RNF152: variants seen among roughly 807,000 people sequenced by gnomAD.
RNF152 encodes ring finger protein 152, also known as E3 ubiquitin-protein ligase RNF152.
A neutral mutation model predicts 12.7 loss-of-function variants in RNF152; 11 were observed. That is an observed-to-expected ratio of 0.86 (90% CI 0.54 to 1.43). RNF152 has a LOEUF of 1.43. Ranked by LOEUF, RNF152 falls within the 40% of genes most tolerant of loss-of-function variation. The pLI, the probability that RNF152 is intolerant of heterozygous loss-of-function variation, is 0.00. For synonymous variants in RNF152, 113 were observed against 120.3 expected, an observed-to-expected ratio of 0.94 and a Z score of 0.40; for missense variants, 255 against 274.8, an observed-to-expected ratio of 0.93 and a Z score of 0.51.
intron 1 of RNF152, among the ~76,000 whole-genome samples, chr18:61,825,251 G>C (rs554904849): frequency 1.3e-5 from 2 of 152,276 alleles, no homozygotes; most frequent in African/African-American, 4.8e-5. Flanking sequence ...CATATAAAGA[G>C]AACCATGAGA....
At chr18:61,826,855 TTG>T (rs1909696227) in intron 1 of RNF152, among the ~76,000 whole-genome samples, 1 of 152,230 alleles carries the variant, frequency 6.6e-6, no homozygotes, top group Non-Finnish European at 1.5e-5. Context: ...TTCAAAATTA[TTG>T]TGCATTCTAT....
intron 1 of RNF152, among the ~76,000 whole-genome samples, chr18:61,840,021 G>C (rs1444184154): frequency 6.6e-6 from 1 of 152,210 alleles, no homozygotes; most frequent in East Asian, 1.9e-4. Context: ...TAGAAACCAA[G>C]GCCTGGGTAA....
At chr18:61,868,341 A>G (rs1911832764) in intron 1 of RNF152, among the ~76,000 whole-genome samples, 1 of 152,252 alleles carries the variant, frequency 6.6e-6, no homozygotes, top group Admixed American at 6.5e-5. Flanking sequence ...ACCACAGGAC[A>G]GAGGTAAACC....
chr18:61,874,702 T>C (rs1912138671), intron 1 of RNF152, among the ~76,000 whole-genome samples: 1 of 152,246 alleles, frequency 6.6e-6, no homozygotes, highest in African/African-American at 2.4e-5. Context: ...AGCTGTGGCT[T>C]GTAGTTCTCT....
Position 61,811,310 on chromosome 18 carries a change from T to C in RNF152, c.*4542A>G, listed in dbSNP as rs539791142. ...ATTATCAGTAAGAATCTGGTCTTTATAGGAAATATATCTCAAACTGAATTT... is the reference window on the plus strand; with the variant it reads ...ATTATCAGTAAGAATCTGGTCTTTACAGGAAATATATCTCAAACTGAATTT... On this transcript the variant is annotated 3_prime_UTR_variant, in exon 2 of 2. Coordinates refer to ENST00000312828, the MANE Select transcript of RNF152 (RefSeq NM_173557.3). 2 of 152,326 alleles carry C rather than the reference T, an allele frequency of 1.3e-5. No homozygotes were observed. The highest frequency in any genetic ancestry group is 2.1e-4 in the South Asian group (1 of 4,818). 9.4% of individuals were successfully genotyped at this position (152,326 alleles called of 1,614,324 possible).
intron 1 of RNF152, among the ~76,000 whole-genome samples, chr18:61,876,464 AT>A: frequency 6.6e-6 from 1 of 152,374 alleles, no homozygotes; most frequent in South Asian, 2.1e-4. Context: ...ACAAAAAAAA[AT>A]AAGCAATAAT....
chr18:61,826,191 A>G (rs1030043266), intron 1 of RNF152, among the ~76,000 whole-genome samples: 3 of 152,244 alleles, frequency 2.0e-5, no homozygotes, highest in African/African-American at 7.2e-5. Flanking sequence ...AGATGCAGAA[A>G]GAAGACTTGT....
chr18:61,855,186 G>A (rs1186243248), intron 1 of RNF152, among the ~76,000 whole-genome samples: 1 of 152,218 alleles, frequency 6.6e-6, no homozygotes, highest in Non-Finnish European at 1.5e-5. Flanking sequence ...GTCAATTGTG[G>A]TCACTAATTC....
At chr18:61,847,082 C>T (rs181360480) in intron 1 of RNF152, among the ~76,000 whole-genome samples, 7 of 152,128 alleles carry the variant, frequency 4.6e-5, no homozygotes, top group Non-Finnish European at 1.0e-4. Flanking sequence ...CAGCAAACAC[C>T]GGTACTCCTC....
chr18:61,881,222 C>G (rs73458476), intron 1 of RNF152, among the ~76,000 whole-genome samples: 1 of 152,104 alleles, frequency 6.6e-6, no homozygotes, highest in Non-Finnish European at 1.5e-5. Context: ...TTCTCTCTCT[C>G]GTTTTCTTAT....
In RNF152 at chr18:61,876,602, C is replaced by G. The variant is rs1453591009; in HGVS notation, c.-136+16193G>C. Among the ~76,000 whole-genome samples, 4 of 152,222 alleles carry G rather than the reference C, an allele frequency of 2.6e-5. No individual in the cohort carries two copies. In the East Asian group the frequency reaches 7.7e-4, roughly 29 times the overall value. ...TGTGGCAGCATACTGCAGTGGCTTA[C>G]AGCATCAATGCTGGAGACGTCTTGA... On this transcript the variant is annotated intron_variant, in intron 1 of 1. Coordinates refer to ENST00000312828, the MANE Select transcript of RNF152 (RefSeq NM_173557.3).
intron 1 of RNF152, among the ~76,000 whole-genome samples, chr18:61,825,852 C>G (rs922900251): frequency 2.0e-5 from 3 of 152,152 alleles, no homozygotes; most frequent in Non-Finnish European, 2.9e-5. Flanking sequence ...CACATGTTCC[C>G]TACTCCTAAT....
chr18:61,846,915 A>T (rs904767514), intron 1 of RNF152, among the ~76,000 whole-genome samples: 5 of 152,178 alleles, frequency 3.3e-5, no homozygotes, highest in Non-Finnish European at 7.3e-5. Flanking sequence ...TCTTGTCACC[A>T]ATTAATAATG....
chr18:61,834,224 G>C lies in RNF152; in HGVS notation c.-135-17626C>G, dbSNP rs545064217. On this transcript the variant is annotated intron_variant, in intron 1 of 1. Coordinates refer to ENST00000312828, the MANE Select transcript of RNF152 (RefSeq NM_173557.3). ...TTCTTTCTCTTATCTCATCTCTTGG[G>C]ATGCTGTCCTTTTGGTCTGGAACCA... is the stretch of plus-strand genomic sequence containing the variant. 1.1e-4 allele frequency among the ~76,000 whole-genome samples: 17 copies of C among 152,202 alleles called. 1 individual carries two copies. The South Asian group carries it at 3.1e-3, about 28-fold the overall frequency.
rs56397865 is a variant in RNF152 at position 61,809,856 on chromosome 18, G to GAAAAAAAAAAAAA, written c.*5983_*5995dup. ...TGGGATACCCCAGGCAGTGAATCCT[G>GAAAAAAAAAAAAA]AAAAAAAAAAAAAAAAAAAAAGTCA... On this transcript the variant is annotated 3_prime_UTR_variant, in exon 2 of 2. Transcript: ENST00000312828. 2 of 100,836 alleles carry GAAAAAAAAAAAAA rather than the reference G, an allele frequency of 2.0e-5. No homozygotes were observed. Among genetic ancestry groups the GAAAAAAAAAAAAA allele is most frequent in the Non-Finnish European group, 3.9e-5 (2 of 51,496 alleles). The allele number at this position is 100,836 out of a possible 1,614,324, so 6.2% of individuals were successfully genotyped here. A position where few individuals can be genotyped will look rare whatever the true frequency, so the allele number is the denominator to read the frequency against.
At chr18:61,860,558 A>G (rs4940533) in intron 1 of RNF152, among the ~76,000 whole-genome samples, 49,174 of 152,230 alleles carry the variant, frequency 0.32, 9,121 homozygotes, top group Middle Eastern at 0.43. Flanking sequence ...CGGTTGCATA[A>G]GAGTCTAGCA....
intron 1 of RNF152, among the ~76,000 whole-genome samples, chr18:61,879,258 T>C (rs1912347996): frequency 6.6e-6 from 1 of 152,244 alleles, no homozygotes; most frequent in Non-Finnish European, 1.5e-5. Context: ...ACATTTATAT[T>C]GTGTTTACAT....
intron 1 of RNF152, among the ~76,000 whole-genome samples, chr18:61,858,544 G>A (rs926928324): frequency 6.6e-6 from 1 of 151,846 alleles, no homozygotes; most frequent in Admixed American, 6.6e-5. Flanking sequence ...CTATCACCCT[G>A]AAGGATGCCC....
At chr18:61,834,679 AT>A (rs5825464) in intron 1 of RNF152, among the ~76,000 whole-genome samples, 69,395 of 151,968 alleles carry the variant, frequency 0.46, 16,353 homozygotes, top group Non-Finnish European at 0.53. Context: ...AAATTAGGCC[AT>A]TTTTAAAAAA....
Sources: allele counts gnomAD v4.1 joint callset (sites outside exome capture counted in the v4.1 genomes callset), GRCh38; gene constraint gnomAD v4.1.1; transcripts MANE v1.5; gene names NCBI Gene and HGNC (gene_info 2026-07-23, HGNC 2026-07-21).